LNX1: variants seen among roughly 807,000 people sequenced by gnomAD.
The protein encoded by LNX1 is E3 ubiquitin-protein ligase LNX.
Under a neutral mutation model 68.4 loss-of-function variants are expected in LNX1, and 54 were observed. The observed-to-expected ratio is 0.79, with a 90% CI of 0.63 to 0.99. The LOEUF (loss-of-function observed/expected upper bound fraction) is 0.99, where lower values mean the gene tolerates loss of function less well. LNX1 is among the 50% of genes least tolerant of loss of function. The pLI is 0.00. For synonymous variants in LNX1, 336 were observed against 350.0 expected (o/e 0.96, Z 0.45); for missense variants, 906 against 926.4 (o/e 0.98, Z 0.29).
At chr4:53,500,802 G>T (rs1725420408) in intron 4 of LNX1, among the ~76,000 whole-genome samples, 1 of 152,112 alleles carries the variant, frequency 6.6e-6, no homozygotes, top group African/African-American at 2.4e-5. Flanking sequence ...TATTAAGTAG[G>T]CTATACCACA....
At chr4:53,466,200 G>A (rs995052329) in intron 9 of LNX1, among the ~76,000 whole-genome samples, 1 of 152,092 alleles carries the variant, frequency 6.6e-6, no homozygotes, top group Non-Finnish European at 1.5e-5. Context: ...ATATTGTACT[G>A]TTTTCAGAAA....
At chr4:53,548,755 C>T (rs936671528) in intron 2 of LNX1, among the ~76,000 whole-genome samples, 18 of 152,218 alleles carry the variant, frequency 1.2e-4, no homozygotes, top group Non-Finnish European at 1.5e-4. Flanking sequence ...TTCACAATAG[C>T]AAAGATATGG....
At chr4:53,642,406 A>G (rs1006015631) in intron 1 of LNX1, among the ~76,000 whole-genome samples, 4 of 152,114 alleles carry the variant, frequency 2.6e-5, no homozygotes, top group African/African-American at 7.2e-5. Context: ...ACTGGAAATG[A>G]TATCAGGATT....
intron 2 of LNX1, among the ~76,000 whole-genome samples, chr4:53,517,724 T>C (rs1438395502): frequency 2.0e-5 from 3 of 152,242 alleles, no homozygotes; most frequent in Non-Finnish European, 4.4e-5. Context: ...TTAAAACCCA[T>C]GTTGCCTGGC....
At chr4:53,608,864 A>C (rs1733336497) in intron 2 of LNX1, among the ~76,000 whole-genome samples, 1 of 152,184 alleles carries the variant, frequency 6.6e-6, no homozygotes, top group South Asian at 2.1e-4. Flanking sequence ...AAGAACAGAA[A>C]ACCAAATACC....
rs150026404 is a variant in LNX1 at position 53,638,024 on chromosome 4, G to A, written c.-215+14144C>T. On this transcript the variant is annotated intron_variant, in intron 1 of 2. Transcript: ENST00000507168. ...ATCACTGATAGATGGCAGCCACGATGGTGGCATTTTAACAAGAAACAACAA... is the reference window on the plus strand; with the variant it reads ...ATCACTGATAGATGGCAGCCACGATAGTGGCATTTTAACAAGAAACAACAA... Among the ~76,000 whole-genome samples, 391 of 152,280 alleles carry A rather than the reference G, an allele frequency of 2.6e-3. 2 individuals carry two copies. Among genetic ancestry groups the A allele is most frequent in the African/African-American group, 8.9e-3 (370 of 41,560 alleles).
intron 1 of LNX1, among the ~76,000 whole-genome samples, chr4:53,582,768 TG>T (rs1233884595): frequency 2.0e-5 from 3 of 152,174 alleles, no homozygotes; most frequent in Admixed American, 1.3e-4. Context: ...AAGCTCCATG[TG>T]GCAGAATGGT....
At chr4:53,518,261 G>A (rs1726945376) in intron 2 of LNX1, among the ~76,000 whole-genome samples, 1 of 152,160 alleles carries the variant, frequency 6.6e-6, no homozygotes, top group Non-Finnish European at 1.5e-5. Flanking sequence ...TACCAAAGAT[G>A]CTGACATGTT....
At chr4:53,614,630 C>G (rs1174511159) in intron 2 of LNX1, among the ~76,000 whole-genome samples, 1 of 152,180 alleles carries the variant, frequency 6.6e-6, no homozygotes, top group African/African-American at 2.4e-5. Context: ...GAATTTTAGA[C>G]TTGCCTAAGT....
At chr4:53,595,496 A>C (rs997321617), upstream of LNX1, among the ~76,000 whole-genome samples, 5 of 152,324 alleles carry the variant, frequency 3.3e-5, no homozygotes, top group African/African-American at 1.2e-4. Context: ...GCATTGAGCT[A>C]AACTTCCAGG....
At chr4:53,548,793 G>T (rs1729288411) in intron 2 of LNX1, among the ~76,000 whole-genome samples, 1 of 152,168 alleles carries the variant, frequency 6.6e-6, no homozygotes, top group Non-Finnish European at 1.5e-5. Context: ...ATCAATGACA[G>T]TCTGGGTAAT....
upstream of LNX1, among the ~76,000 whole-genome samples, chr4:53,595,899 T>C (rs1732731439): frequency 6.6e-6 from 1 of 152,104 alleles, no homozygotes; most frequent in Admixed American, 6.6e-5. Context: ...ATTTCTAGAG[T>C]TGTCTATGAT....
At chr4:53,510,067 C>G (rs1356530922) in intron 2 of LNX1, among the ~76,000 whole-genome samples, 1 of 152,208 alleles carries the variant, frequency 6.6e-6, no homozygotes, top group Non-Finnish European at 1.5e-5. Context: ...AAGGGACAAG[C>G]AAATGTTTTA....
intron 1 of LNX1, among the ~76,000 whole-genome samples, chr4:53,577,337 G>T (rs1274155703): frequency 6.6e-6 from 1 of 152,150 alleles, no homozygotes; most frequent in East Asian, 1.9e-4. Flanking sequence ...CTACAGTCTT[G>T]GTTATTCTTT....
chr4:53,637,540 G>T (rs1228008313), intron 1 of LNX1, among the ~76,000 whole-genome samples: 1 of 152,076 alleles, frequency 6.6e-6, no homozygotes, highest in Non-Finnish European at 1.5e-5. Flanking sequence ...TCACAACTCT[G>T]TGAAGTTGTA....
chr4:53,641,404 C>T (rs1258042788), intron 1 of LNX1, among the ~76,000 whole-genome samples: 1 of 152,238 alleles, frequency 6.6e-6, no homozygotes, highest in African/African-American at 2.4e-5. Context: ...ATGAGTTTCT[C>T]ACACTTCACT....
intron 9 of LNX1, among the ~76,000 whole-genome samples, chr4:53,462,521 C>T (rs965377460): frequency 6.6e-6 from 1 of 151,970 alleles, no homozygotes; most frequent in African/African-American, 2.4e-5. Flanking sequence ...GTTTATATAC[C>T]GTACCTTAAA....
At chr4:53,595,348 C>T (rs115742775), upstream of LNX1, among the ~76,000 whole-genome samples, 1,090 of 152,272 alleles carry the variant, frequency 7.2e-3, 9 homozygotes, top group Middle Eastern at 0.027. Flanking sequence ...TAAAGAGCCT[C>T]GGGAACCTCA....
chr4:53,550,089 A>C (rs1268909180), intron 2 of LNX1, among the ~76,000 whole-genome samples: 3 of 152,242 alleles, frequency 2.0e-5, no homozygotes, highest in Non-Finnish European at 4.4e-5. Context: ...AAATAAAATC[A>C]TGAAACAGGA....
Sources: gnomAD v4.1 joint callset for allele counts (sites outside exome capture counted in the v4.1 genomes callset) on GRCh38, gnomAD v4.1.1 for gene constraint, MANE v1.5 for transcripts, NCBI Gene and HGNC (gene_info 2026-07-23, HGNC 2026-07-21) for gene names.